The following CCDC57 variants were observed in gnomAD, a reference collection of about 807,000 sequenced individuals.
CCDC57 encodes coiled-coil domain containing 57, also known as coiled-coil domain-containing protein 57.
In CCDC57, 118 loss-of-function variants were observed where a neutral mutation model predicts 118.9. The observed-to-expected ratio is 0.99, with a 90% confidence interval of 0.86 to 1.16. The LOEUF (loss-of-function observed/expected upper bound fraction) is 1.16. CCDC57 is among the 50% of genes most tolerant of loss of function. CCDC57 has a pLI of 0.00. For synonymous variants in CCDC57, 527 were observed against 532.9 expected, an observed-to-expected ratio of 0.99 and a Z score of 0.15; for missense variants, 1,300 against 1,320.7, an observed-to-expected ratio of 0.98 and a Z score of 0.24.
At chr17:82,183,128 G>C (rs977018489) in intron 9 of CCDC57, among the ~76,000 whole-genome samples, 4 of 152,142 alleles carry the variant, frequency 2.6e-5, no homozygotes, top group Admixed American at 1.3e-4. Context: ...TTTGGGGGGG[G>C]ACATAGAGCC....
intron 15 of CCDC57, among the ~76,000 whole-genome samples, chr17:82,152,852 T>G (rs1272911408): frequency 6.6e-6 from 1 of 152,160 alleles, no homozygotes; most frequent in African/African-American, 2.4e-5. Context: ...AGCCACTGTA[T>G]GCAGTGCCTC....
At chr17:82,184,027 G>GCTCACACACACA in intron 8 of CCDC57, 95 bp from the exon 8 acceptor site, 1 of 325,788 alleles carries the variant, frequency 3.1e-6, no homozygotes, top group Non-Finnish European at 5.6e-6. Context: ...GCGCGCGCGC[G>GCTCACACACACA]CGCGCACACA....
At chr17:82,145,180 T>C (rs2040547783) in intron 16 of CCDC57, among the ~76,000 whole-genome samples, 1 of 150,340 alleles carries the variant, frequency 6.7e-6, no homozygotes, top group Non-Finnish European at 1.5e-5. Flanking sequence ...GCCCCAACAC[T>C]TGGCTAATTT....
chr17:82,108,640 C>G (rs373352569), intron 19 of CCDC57: 19 of 152,246 alleles, frequency 1.2e-4, no homozygotes, highest in African/African-American at 4.6e-4. Context: ...GCTGTCCTTC[C>G]CAAGTCACAG....
At chr17:82,195,333 C>A (rs372232038) in exon 5 of CCDC57, 1 of 1,599,690 alleles carries the variant, frequency 6.3e-7, no homozygotes, top group Non-Finnish European at 8.5e-7. Flanking sequence ...CTCCCTCTTC[C>A]GCATTTTCGA....
intron 17 of CCDC57, among the ~76,000 whole-genome samples, chr17:82,133,620 G>A (rs1202095483): frequency 6.6e-6 from 1 of 152,000 alleles, no homozygotes; most frequent in Non-Finnish European, 1.5e-5. Context: ...CAGCACTTTG[G>A]GAGGCAGAGG....
chr17:82,180,391 C>T (rs1368752319), intron 9 of CCDC57, among the ~76,000 whole-genome samples: 2 of 152,232 alleles, frequency 1.3e-5, no homozygotes, highest in Non-Finnish European at 2.9e-5. Context: ...GCCCCAGAAC[C>T]TGAGATAATA....
At chr17:82,137,381 A>G (rs904160126) in intron 16 of CCDC57, among the ~76,000 whole-genome samples, 3 of 152,172 alleles carry the variant, frequency 2.0e-5, no homozygotes, top group African/African-American at 7.2e-5. Context: ...TTTACTTTCT[A>G]TGTAATCTGT....
intron 19 of CCDC57, chr17:82,104,723 TAG>T (rs2034720156): frequency 6.6e-6 from 1 of 152,204 alleles, no homozygotes; most frequent in African/African-American, 2.4e-5. Context: ...GTATTTTTAA[TAG>T]AGACGGGGTT....
chr17:82,102,516 T>TC (rs1320234900), intron 19 of CCDC57, among the ~76,000 whole-genome samples: 31 of 152,356 alleles, frequency 2.0e-4, no homozygotes, highest in African/African-American at 7.2e-4. Context: ...GGCCAGTTTT[T>TC]CTCTATTTTT....
intron 13 of CCDC57, 159 bp from the exon 13 acceptor site, chr17:82,163,516 G>A: frequency 1.4e-6 from 1 of 721,728 alleles, no homozygotes. Context: ...CAGCAGATCT[G>A]GTCCACGTGA....
chr17:82,178,593 G>T, exon 11 of CCDC57: 1 of 1,612,368 alleles, frequency 6.2e-7, no homozygotes, highest in South Asian at 1.1e-5. Flanking sequence ...GTCTCCTGCA[G>T]CTTGGCAGCA....
intron 7 of CCDC57, among the ~76,000 whole-genome samples, chr17:82,191,263 T>C (rs1183499527): frequency 1.3e-5 from 2 of 151,766 alleles, no homozygotes; most frequent in African/African-American, 2.4e-5. Flanking sequence ...CGGCGCCAGA[T>C]GATGAGGAAA....
chr17:82,159,925 T>C (rs2043117479), intron 14 of CCDC57: 1 of 151,806 alleles, frequency 6.6e-6, no homozygotes, highest in Admixed American at 6.6e-5. Context: ...CATCTTGGAC[T>C]CCCAAGGTGC....
intron 8 of CCDC57, among the ~76,000 whole-genome samples, chr17:82,184,555 A>G (rs2046702046): frequency 6.6e-6 from 1 of 152,266 alleles, no homozygotes; most frequent in African/African-American, 2.4e-5. Context: ...GCAAGATGAT[A>G]CCTGCCCACT....
At chr17:82,133,382 A>G (rs570449442) in intron 17 of CCDC57, among the ~76,000 whole-genome samples, 132 of 148,292 alleles carry the variant, frequency 8.9e-4, no homozygotes, top group Non-Finnish European at 1.4e-3. Flanking sequence ...TCAAAGGACA[A>G]AAAAAAAAGA....
chr17:82,111,472 G>A (rs560549762), intron 19 of CCDC57, among the ~76,000 whole-genome samples: 8 of 148,148 alleles, frequency 5.4e-5, no homozygotes, highest in South Asian at 4.4e-4. Flanking sequence ...TCAACCTCCC[G>A]GGCTCAAACG....
chr17:82,143,600 A>T (rs933315946), intron 16 of CCDC57, among the ~76,000 whole-genome samples: 8 of 152,336 alleles, frequency 5.3e-5, no homozygotes, highest in Non-Finnish European at 1.2e-4. Context: ...AAGAGATTAG[A>T]CAGAAATGGA....
chr17:82,129,486 C>A (rs1356357804), intron 17 of CCDC57, among the ~76,000 whole-genome samples: 1 of 152,188 alleles, frequency 6.6e-6, no homozygotes, highest in African/African-American at 2.4e-5. Context: ...ATGAGTGTGC[C>A]CACAACAGTG....
Sources: allele counts gnomAD v4.1 joint callset (sites outside exome capture counted in the v4.1 genomes callset), GRCh38; gene constraint gnomAD v4.1.1; transcripts MANE v1.5; gene names NCBI Gene and HGNC (gene_info 2026-07-23, HGNC 2026-07-21).